The following AP3S1 variants were observed in gnomAD, a reference collection of about 807,000 sequenced individuals.
AP3S1 encodes AP-3 complex subunit sigma-1.
AP3S1 carries 12 observed loss-of-function variants against 21.3 expected under a neutral mutation model. The ratio of observed to expected loss-of-function variants is 0.56; its 90% CI spans 0.36 to 0.91. The LOEUF (loss-of-function observed/expected upper bound fraction) is 0.91. AP3S1 is among the 40% of genes least tolerant of loss of function. The pLI is 0.01. For missense variants in AP3S1, 116 were observed against 225.0 expected (o/e 0.52, Z 3.10); for synonymous variants, 48 against 78.4 (o/e 0.61, Z 2.05).
intron 3 of AP3S1, among the ~76,000 whole-genome samples, chr5:115,870,996 C>A (rs1390999526): frequency 2.0e-5 from 3 of 152,180 alleles, no homozygotes; most frequent in Non-Finnish European, 2.9e-5. Flanking sequence ...CAGATGATAC[C>A]TGCACACACA....
chr5:115,858,934 A>C (rs926259657), intron 1 of AP3S1, among the ~76,000 whole-genome samples: 1 of 150,810 alleles, frequency 6.6e-6, no homozygotes, highest in Admixed American at 6.6e-5. Flanking sequence ...AAAAAAATTT[A>C]TTTATTTTTT....
intron 5 of AP3S1, among the ~76,000 whole-genome samples, chr5:115,909,551 C>A (rs1317752351): frequency 6.6e-6 from 1 of 152,118 alleles, no homozygotes. Context: ...ATATTCTTAA[C>A]TGCTTTGGAT....
intron 4 of AP3S1, among the ~76,000 whole-genome samples, chr5:115,896,934 G>A (rs1051416607): frequency 6.6e-6 from 1 of 151,696 alleles, no homozygotes; most frequent in Non-Finnish European, 1.5e-5. Flanking sequence ...GATGGTAAGA[G>A]TAAGGTTCTT....
intron 1 of AP3S1, among the ~76,000 whole-genome samples, chr5:115,850,086 A>T (rs890445931): frequency 2.0e-5 from 3 of 152,114 alleles, no homozygotes; most frequent in African/African-American, 7.2e-5. Flanking sequence ...AGCCCACTAG[A>T]CCCACCTCTA....
intron 4 of AP3S1, chr5:115,898,555 G>A (rs1401181850): frequency 3.3e-5 from 5 of 152,178 alleles, no homozygotes; most frequent in Non-Finnish European, 5.9e-5. Flanking sequence ...AGAACAACAC[G>A]GGGCTTGGGT....
intron 1 of AP3S1, among the ~76,000 whole-genome samples, chr5:115,854,276 A>T (rs2112790266): frequency 6.6e-6 from 1 of 152,320 alleles, no homozygotes. Flanking sequence ...TTCAAACCAA[A>T]GCAGAATGGT....
intron 3 of AP3S1, among the ~76,000 whole-genome samples, chr5:115,881,277 C>T (rs150063975): frequency 0.013 from 1,937 of 152,202 alleles, 100 homozygotes; most frequent in Admixed American, 0.085. Flanking sequence ...TTAGTTGGTG[C>T]AGTTTCTTCA....
rs182863609 is a variant in AP3S1, at chr5:115,887,465, A to G, written c.274-7622A>G. On this transcript the variant is annotated intron_variant, in intron 3 of 5. Coordinates refer to ENST00000316788, the MANE Select transcript of AP3S1 (RefSeq NM_001284.4). ...AACCCAGAAACCAATTTTTTTTTTT[A>G]CTTAGAAACTCAAAAAGGGGTCTGC... 1.0e-3 allele frequency among the ~76,000 whole-genome samples: 148 copies of G among 146,726 alleles called. 1 individual carries two copies. The highest frequency in any genetic ancestry group is 1.8e-3 in the Non-Finnish European group (121 of 66,094).
At chr5:115,886,451 A>T (rs2112888147) in intron 3 of AP3S1, among the ~76,000 whole-genome samples, 1 of 152,300 alleles carries the variant, frequency 6.6e-6, no homozygotes, top group East Asian at 1.9e-4. Context: ...GATATTTATG[A>T]TGAACCATTT....
intron 3 of AP3S1, among the ~76,000 whole-genome samples, chr5:115,873,606 G>C (rs1234646507): frequency 6.6e-6 from 1 of 152,056 alleles, no homozygotes; most frequent in Admixed American, 6.6e-5. Context: ...ACTGAAGAGG[G>C]AGTGTACTGA....
In AP3S1 at chr5:115,856,432, C is replaced by CTT. The variant is rs11320249; in HGVS notation, c.70-10224_70-10223dup. Among the ~76,000 whole-genome samples the CTT allele has an allele frequency of 1.6e-4, 23 of 144,044 alleles. No homozygotes were observed. In the South Asian group the frequency reaches 2.4e-3, roughly 15 times the overall value. 94.5% of individuals were successfully genotyped at this position (144,044 alleles called of 152,430 possible). A position where few individuals can be genotyped will look rare whatever the true frequency, so the allele number is the denominator to read the frequency against. On this transcript the variant is annotated intron_variant, in intron 1 of 5. Coordinates refer to ENST00000316788, the MANE Select transcript of AP3S1 (RefSeq NM_001284.4). ...TCAAGCTAGTTAATACATCCAGCAT[C>CTT]TTTTTTTTTTTTTTTCTAGAGATAG...
rs766494460 is a variant in AP3S1 at position 115,895,059 on chromosome 5, T to A, written c.274-28T>A. 2.0e-6 allele frequency: 3 copies of A among 1,505,174 alleles called. No homozygotes were observed. In the Admixed American group the frequency reaches 5.4e-5, roughly 27 times the overall value. The allele number at this position is 1,505,174 out of a possible 1,614,324, so 93.2% of individuals were successfully genotyped here. A position where few individuals can be genotyped will look rare whatever the true frequency, so the allele number is the denominator to read the frequency against. On this transcript the variant is annotated intron_variant, in intron 3 of 5. Transcript: ENST00000316788. ...ATAGTTTTGAATAAATTTAAACAGT[T>A]CTTAAAACCTTTTTTCTTTTTCCAT...
intron 4 of AP3S1, among the ~76,000 whole-genome samples, chr5:115,900,817 G>A (rs960986303): frequency 3.9e-5 from 6 of 152,070 alleles, no homozygotes; most frequent in Non-Finnish European, 7.4e-5. Context: ...ATGTATACAC[G>A]CACAGCTGTT....
chr5:115,851,121 G>T (rs1169638251), intron 1 of AP3S1, among the ~76,000 whole-genome samples: 1 of 152,210 alleles, frequency 6.6e-6, no homozygotes, highest in Non-Finnish European at 1.5e-5. Context: ...GAAGTAGGAT[G>T]TGATTGCTGT....
chr5:115,890,587 A>T (rs992970763), intron 3 of AP3S1, among the ~76,000 whole-genome samples: 2 of 152,170 alleles, frequency 1.3e-5, no homozygotes, highest in African/African-American at 4.8e-5. Context: ...AGAAAAATTT[A>T]TGTTATATGT....
At chr5:115,905,629 C>G (rs1196203104) in intron 5 of AP3S1, among the ~76,000 whole-genome samples, 3 of 152,116 alleles carry the variant, frequency 2.0e-5, no homozygotes, top group African/African-American at 7.2e-5. Flanking sequence ...ATTATGATGA[C>G]TAATTTTTCG....
At chr5:115,907,411 C>G (rs904016764) in intron 5 of AP3S1, among the ~76,000 whole-genome samples, 2 of 152,076 alleles carry the variant, frequency 1.3e-5, no homozygotes, top group Non-Finnish European at 2.9e-5. Flanking sequence ...ACTTTTTCCC[C>G]TCAAATGGTT....
chr5:115,884,390 C>T (rs974581373), intron 3 of AP3S1, among the ~76,000 whole-genome samples: 2 of 152,080 alleles, frequency 1.3e-5, no homozygotes, highest in Admixed American at 6.6e-5. Context: ...ATGGTGAAAC[C>T]CCGTCTCTAC....
intron 3 of AP3S1, among the ~76,000 whole-genome samples, chr5:115,876,769 T>C (rs1485315786): frequency 1.3e-5 from 2 of 152,216 alleles, no homozygotes; most frequent in Non-Finnish European, 2.9e-5. Context: ...TATTTTGATA[T>C]TCCCCAATTT....
Sources: allele counts gnomAD v4.1 joint callset (sites outside exome capture counted in the v4.1 genomes callset), GRCh38; gene constraint gnomAD v4.1.1; transcripts MANE v1.5; gene names NCBI Gene and HGNC (gene_info 2026-07-23, HGNC 2026-07-21).